The following MGAT4D variants were observed in gnomAD, a reference collection of about 807,000 sequenced individuals.
The protein encoded by MGAT4D is MGAT4 family member D.
MGAT4D carries 34 observed loss-of-function variants against 15.9 expected under a neutral mutation model. The observed-to-expected ratio is 2.14, with a 90% CI of 1.62 to 2.84. MGAT4D has a LOEUF of 2.84. MGAT4D is among the 30% of genes most tolerant of loss of function. The pLI is 0.00. For missense variants in MGAT4D, 327 were observed against 140.2 expected (o/e 2.33, Z -6.73); for synonymous variants, 112 against 48.2 (o/e 2.33, Z -5.49).
intron 9 of MGAT4D, among the ~76,000 whole-genome samples, chr4:140,453,906 G>T (rs552145103): frequency 1.3e-5 from 2 of 152,014 alleles, no homozygotes; most frequent in African/African-American, 4.8e-5. Context: ...AATACATTTG[G>T]TTTTCAACTT....
At chr4:140,498,016 G>T in intron 1 of MGAT4D, 113 bp downstream of exon 1, 2 of 547,774 alleles carry the variant, frequency 3.7e-6, no homozygotes, top group Non-Finnish European at 6.4e-6. Context: ...GCGGGCGGCC[G>T]CCGCCAGCTT....
rs944562212 is a variant in MGAT4D at position 140,442,663 on chromosome 4, G to C, written c.*773C>G. The C allele has an allele frequency of 6.6e-6, 1 of 152,024 alleles. No individual in the cohort carries two copies. The highest frequency in any genetic ancestry group is 1.5e-5 in the Non-Finnish European group (1 of 67,970). The allele number at this position is 152,024 out of a possible 1,614,324, so 9.4% of individuals were successfully genotyped here. A position where few individuals can be genotyped will look rare whatever the true frequency, so the allele number is the denominator to read the frequency against. On this transcript the variant is annotated 3_prime_UTR_variant, in exon 11 of 11. Coordinates refer to ENST00000511113, the MANE Select transcript of MGAT4D (RefSeq NM_001277353.2). ...AAATGAATATAACATATTTAAAAGGGAGTATACAGAAACTATACATTCTTT... is the reference window on the plus strand; with the variant it reads ...AAATGAATATAACATATTTAAAAGGCAGTATACAGAAACTATACATTCTTT...
Position 140,443,206 on chromosome 4 carries a change from T to A in MGAT4D, c.*230A>T. 1 of 230,364 alleles carries A rather than the reference T, an allele frequency of 4.3e-6. No homozygotes were observed. The highest frequency in any genetic ancestry group is 9.2e-5 in the East Asian group (1 of 10,866). The allele number at this position is 230,364 out of a possible 1,614,324, so 14.3% of individuals were successfully genotyped here. On this transcript the variant is annotated 3_prime_UTR_variant, in exon 11 of 11. Transcript: ENST00000511113. ...AGTTCTTAATTTAAAAAAAACTTCCTTGCCTTTAGTATTTTTAAATTAAAT... is the reference window on the plus strand; with the variant it reads ...AGTTCTTAATTTAAAAAAAACTTCCATGCCTTTAGTATTTTTAAATTAAAT...
chr4:140,450,824 T>C (rs1025941432), intron 10 of MGAT4D, among the ~76,000 whole-genome samples: 1 of 152,188 alleles, frequency 6.6e-6, no homozygotes, highest in Non-Finnish European at 1.5e-5. Flanking sequence ...CCCAATATCA[T>C]ATATGTACTC....
intron 1 of MGAT4D, 33 bp downstream of exon 1, chr4:140,498,096 G>A (rs1158711265): frequency 2.9e-6 from 2 of 694,912 alleles, no homozygotes; most frequent in Non-Finnish European, 5.2e-6. Flanking sequence ...CCCCGCGGCG[G>A]GAAAGGAGGC....
intron 5 of MGAT4D, among the ~76,000 whole-genome samples, chr4:140,467,800 T>C (rs1393621826): frequency 6.6e-6 from 1 of 152,054 alleles, no homozygotes; most frequent in East Asian, 1.9e-4. Context: ...ATCTTACAAC[T>C]CTATAGGTTT....
At chr4:140,482,519 G>A (rs1365074240) in intron 1 of MGAT4D, 34 bp from the exon 2 acceptor site, 2 of 575,316 alleles carry the variant, frequency 3.5e-6, no homozygotes, top group Non-Finnish European at 3.0e-6. Flanking sequence ...ATTTGTACAT[G>A]TAGCAATGGT....
rs779716971 is a variant in MGAT4D at position 140,482,504 on chromosome 4, T to C, written c.95-19A>G. 5 of 606,746 alleles carry C rather than the reference T, an allele frequency of 8.2e-6. No homozygotes were observed. Among genetic ancestry groups the C allele is most frequent in the Non-Finnish European group, 1.4e-5 (5 of 346,594 alleles). The allele number at this position is 606,746 out of a possible 1,614,324, so 37.6% of individuals were successfully genotyped here. On this transcript the variant is annotated intron_variant, in intron 1 of 10. Transcript: ENST00000511113. ...TGATTATCTGCAATGAAAACATATG[T>C]ATATATTTGTACATGTAGCAATGGT...
intron 9 of MGAT4D, among the ~76,000 whole-genome samples, chr4:140,454,969 T>G (rs1291894376): frequency 2.0e-5 from 3 of 152,176 alleles, no homozygotes; most frequent in Non-Finnish European, 4.4e-5. Flanking sequence ...ATAACCTGTA[T>G]TTTTTGTCAC....
At chr4:140,460,580 A>G (rs751332376) in intron 7 of MGAT4D, among the ~76,000 whole-genome samples, 7 of 152,202 alleles carry the variant, frequency 4.6e-5, no homozygotes, top group Admixed American at 6.5e-5. Flanking sequence ...TCACGCCTAT[A>G]GTCCAAGCAC....
chr4:140,497,069 T>G (rs1191509637), intron 1 of MGAT4D, among the ~76,000 whole-genome samples: 1 of 152,126 alleles, frequency 6.6e-6, no homozygotes, highest in Non-Finnish European at 1.5e-5. Context: ...AAGCAGGATA[T>G]AGAATATTTT....
chr4:140,464,913 G>T lies in MGAT4D; in HGVS notation c.669C>A (p.Ala223=). ...SMLNAKHLAE[A]SQKLASWRIK... is the part of the protein sequence containing the mutation. ...TGACATACCTGGCTAATTTTTGTGA[G>T]GCCTCAGCTAAGTGCTTGGCATTTA... Residue 223 remains alanine, a synonymous_variant, in exon 6 of 11, where the codon GCC becomes GCA. Transcript: ENST00000511113. 1 of 702,476 alleles carries T rather than the reference G, an allele frequency of 1.4e-6. No homozygotes were observed. The highest frequency in any genetic ancestry group is 1.5e-5 in the South Asian group (1 of 67,504). The allele number at this position is 702,476 out of a possible 1,614,324, so 43.5% of individuals were successfully genotyped here.
chr4:140,453,737 T>C (rs1464630783), intron 9 of MGAT4D, among the ~76,000 whole-genome samples: 1 of 152,134 alleles, frequency 6.6e-6, no homozygotes, highest in Non-Finnish European at 1.5e-5. Flanking sequence ...TCTCTCCTGC[T>C]GCCATGTAAG....
intron 6 of MGAT4D, among the ~76,000 whole-genome samples, chr4:140,464,163 GAC>G (rs1731375107): frequency 1.3e-5 from 2 of 152,170 alleles, no homozygotes; most frequent in Admixed American, 1.3e-4. Context: ...CCTAGATTCT[GAC>G]ACACCATTTA....
At chr4:140,463,007 T>C (rs1410944272) in intron 6 of MGAT4D, among the ~76,000 whole-genome samples, 1 of 151,842 alleles carries the variant, frequency 6.6e-6, no homozygotes, top group Non-Finnish European at 1.5e-5. Flanking sequence ...AAACTGCGAG[T>C]TCCCAAAGTG....
intron 10 of MGAT4D, among the ~76,000 whole-genome samples, chr4:140,445,167 G>A (rs775151194): frequency 2.0e-5 from 3 of 152,136 alleles, no homozygotes; most frequent in Non-Finnish European, 4.4e-5. Context: ...TTACAGGCAT[G>A]AGCCACCATG....
intron 1 of MGAT4D, among the ~76,000 whole-genome samples, chr4:140,484,367 C>T (rs906121924): frequency 2.6e-5 from 4 of 152,048 alleles, no homozygotes; most frequent in Non-Finnish European, 5.9e-5. Context: ...TGGCTATTAT[C>T]AGAGACAAAA....
At chr4:140,445,216 T>C (rs1267682456) in intron 10 of MGAT4D, among the ~76,000 whole-genome samples, 7 of 152,212 alleles carry the variant, frequency 4.6e-5, no homozygotes, top group Non-Finnish European at 8.8e-5. Flanking sequence ...ATAGCCATTC[T>C]GACTGGTGTG....
intron 5 of MGAT4D, among the ~76,000 whole-genome samples, chr4:140,466,864 A>T (rs1731569026): frequency 6.6e-6 from 1 of 152,136 alleles, no homozygotes; most frequent in Admixed American, 6.6e-5. Flanking sequence ...TATCACGAAA[A>T]TGGGGTTGGA....
Sources: allele counts gnomAD v4.1 joint callset (sites outside exome capture counted in the v4.1 genomes callset), GRCh38; gene constraint gnomAD v4.1.1; transcripts MANE v1.5; gene names NCBI Gene and HGNC (gene_info 2026-07-23, HGNC 2026-07-21).